TMEM151A: variants seen among roughly 807,000 people sequenced by gnomAD.
The protein encoded by TMEM151A is transmembrane protein 151A, also known as transmembrane protein 151.
TMEM151A carries 21 observed loss-of-function variants against 33.7 expected under a neutral mutation model. The ratio of observed to expected loss-of-function variants is 0.62; its 90% confidence interval spans 0.44 to 0.90. TMEM151A has a LOEUF of 0.90. Among genes scored for constraint, TMEM151A ranks in the 40% least tolerant of loss-of-function variants. TMEM151A has a pLI of 0.00. For synonymous variants in TMEM151A, 374 were observed against 330.3 expected (o/e 1.13, Z -1.43); for missense variants, 704 against 697.7 (o/e 1.01, Z -0.10).
chr11:66,294,264 G>T, intron 1 of TMEM151A, 58 bp from the exon 2 acceptor site: 1 of 1,583,384 alleles, frequency 6.3e-7, no homozygotes, highest in Non-Finnish European at 8.5e-7. Context: ...AAGCAAAGTG[G>T]CAGGCCCCAC....
In TMEM151A at chr11:66,294,407, C is replaced by T; in HGVS notation, c.161C>T (p.Ala54Val). The change falls in exon 2 of 2, where the codon GCC (alanine) becomes GTC (valine). Residue 54 changes from alanine to valine, a missense_variant. Physicochemically the swap from Ala to Val is moderately conservative, Grantham distance 64 (BLOSUM62 0). Coordinates refer to ENST00000327259, the MANE Select transcript of TMEM151A (RefSeq NM_153266.4). ...CTGCTCCTCACGCTGCTCATCCACG[C>T]CTGCGGGGCCGTGGTGGCCTGGTGT... ...KCLLLTLLIH[A>V]CGAVVAWCRL... 6.2e-7 allele frequency: 1 copy of T among 1,611,764 alleles called. No individual in the cohort carries two copies. The highest frequency in any genetic ancestry group is 8.5e-7 in the Non-Finnish European group (1 of 1,179,802).
Position 66,295,124 on chromosome 11 carries a change from C to T in TMEM151A, c.878C>T (p.Ala293Val). The change falls in exon 2 of 2, where the codon GCG (alanine) becomes GTG (valine). Residue 293 changes from alanine to valine, a missense_variant. Transcript: ENST00000327259. ...GCCTGGGTCTTCTGGCTCGTGTCGG[C>T]GGCCACGCTGTCGTGGCCCCTGCGC... ...ARAWVFWLVS[A>V]ATLSWPLRVV... is the part of the protein sequence containing the mutation. The T allele has an allele frequency of 1.9e-6, 3 of 1,584,038 alleles. No homozygotes were observed. The highest frequency in any genetic ancestry group is 2.3e-5 in the East Asian group (1 of 43,792).
Position 66,295,796 on chromosome 11 carries a change from T to A in TMEM151A, c.*143T>A. 1 of 717,566 alleles carries A rather than the reference T, an allele frequency of 1.4e-6. No homozygotes were observed. Among genetic ancestry groups the A allele is most frequent in the Non-Finnish European group, 2.0e-6 (1 of 503,078 alleles). The allele number at this position is 717,566 out of a possible 1,614,324, so 44.4% of individuals were successfully genotyped here. A position where few individuals can be genotyped will look rare whatever the true frequency, so the allele number is the denominator to read the frequency against. ...GGGTGAGGGTGGGGGTGGGGGTCCT[T>A]AAACAGACTAAAATGCAGTTACCTG... On this transcript the variant is annotated 3_prime_UTR_variant, in exon 2 of 2. Transcript: ENST00000327259.
At position 66,296,481 on chromosome 11, in the gene TMEM151A, T is replaced by C. The variant is rs1351842677; in HGVS notation, c.*828T>C. ...GGCCACAGCCTCTTGGATGATGTCC[T>C]TGCTCCACCACGCAGGCCCTTGCTT... On this transcript the variant is annotated 3_prime_UTR_variant, in exon 2 of 2. Coordinates refer to ENST00000327259, the MANE Select transcript of TMEM151A (RefSeq NM_153266.4). 3 of 152,744 alleles carry C rather than the reference T, an allele frequency of 2.0e-5. No individual in the cohort carries two copies. Among genetic ancestry groups the C allele is most frequent in the Non-Finnish European group, 4.4e-5 (3 of 68,156 alleles). The allele number at this position is 152,744 out of a possible 1,614,324, so 9.5% of individuals were successfully genotyped here. A position where few individuals can be genotyped will look rare whatever the true frequency, so the allele number is the denominator to read the frequency against.
At position 66,295,363 on chromosome 11, in the gene TMEM151A, T is replaced by C. The variant is rs1857506718; in HGVS notation, c.1117T>C (p.Tyr373His). 2 of 1,573,398 alleles carry C rather than the reference T, an allele frequency of 1.3e-6. No individual in the cohort carries two copies. ...AVVMGAGSGAYLRGCQRCRRS... is the reference protein window; with the variant it reads ...AVVMGAGSGAHLRGCQRCRRS... Reference sequence around the variant, plus strand: ...GGTCATGGGCGCGGGCTCGGGCGCCTACCTCAGAGGCTGCCAGCGCTGCCG... The same window carrying C: ...GGTCATGGGCGCGGGCTCGGGCGCCCACCTCAGAGGCTGCCAGCGCTGCCG... Residue 373 changes from tyrosine (Y) to histidine (H), a missense_variant, in exon 2 of 2, where the codon TAC (tyrosine) becomes CAC (histidine). Around this residue, in one of 3 missense-constraint regions of TMEM151A, gnomAD observed 398 missense variants for 356.0 expected, o/e 1.12. Transcript: ENST00000327259.
intron 1 of TMEM151A, among the ~76,000 whole-genome samples, chr11:66,293,048 C>G (rs1248313038): frequency 6.6e-6 from 1 of 152,012 alleles, no homozygotes; most frequent in East Asian, 1.9e-4. Flanking sequence ...TGCTACGGTT[C>G]TGGGAGTCTG....
rs763666894 is a variant in TMEM151A, at chr11:66,292,105, G to C, written c.75+17G>C. Reference sequence around the variant, plus strand: ...CGGGAAGAGGTACCGGCGCTGGGGGGGCCGGAGCCGGGCCTGGGGCGGCGT... The same window carrying C: ...CGGGAAGAGGTACCGGCGCTGGGGGCGCCGGAGCCGGGCCTGGGGCGGCGT... On this transcript the variant is annotated intron_variant, in intron 1 of 1. Transcript: ENST00000327259. This position sits in a 1 kb window ranked among gnomAD's most constrained non-coding sequence, Gnocchi z 4.7. 3.5e-6 allele frequency: 5 copies of C among 1,432,160 alleles called. No individual in the cohort carries two copies. The East Asian group carries it at 1.2e-4, about 33-fold the overall frequency. 88.7% of individuals were successfully genotyped at this position (1,432,160 alleles called of 1,614,324 possible).
chr11:66,295,642 G>A lies in TMEM151A; in HGVS notation c.1396G>A (p.Gly466Ser), dbSNP rs1272100358. 1 of 1,526,138 alleles carries A rather than the reference G, an allele frequency of 6.6e-7. No homozygotes were observed. The highest frequency in any genetic ancestry group is 2.1e-5 in the Admixed American group (1 of 48,348). 94.5% of individuals were successfully genotyped at this position (1,526,138 alleles called of 1,614,324 possible). A position where few individuals can be genotyped will look rare whatever the true frequency, so the allele number is the denominator to read the frequency against. The part of the protein sequence containing the change: ...GDSGCQGDGQ[G>S]AL ...CAGCGGCTGCCAGGGGGATGGGCAG[G>A]GTGCTCTCTGAGACCCCCCACGGCC... is the stretch of plus-strand genomic sequence containing the variant. Residue 466 changes from glycine (G) to serine (S), a missense_variant, in exon 2 of 2, where the codon GGT becomes AGT. Gly to Ser is a moderately conservative substitution (Grantham distance 56, BLOSUM62 0). This residue lies in a region of TMEM151A where 398 missense variants were observed against 356.0 expected (regional missense o/e 1.12). Coordinates refer to ENST00000327259, the MANE Select transcript of TMEM151A (RefSeq NM_153266.4).
chr11:66,293,374 G>A (rs1857476006), intron 1 of TMEM151A, among the ~76,000 whole-genome samples: 2 of 151,324 alleles, frequency 1.3e-5, no homozygotes, highest in South Asian at 2.1e-4. Flanking sequence ...CCTTCCCCTC[G>A]CCCCACTTTA....
chr11:66,292,061 C>A lies in TMEM151A; in HGVS notation c.48C>A (p.Ile16=). 1.3e-6 allele frequency: 2 copies of A among 1,489,752 alleles called. No individual in the cohort carries two copies. The highest frequency in any genetic ancestry group is 2.8e-5 in the East Asian group (1 of 35,880). 92.3% of individuals were successfully genotyped at this position (1,489,752 alleles called of 1,614,324 possible). The part of the protein sequence containing the change: ...AGDGGEVPAL[I]PDGEPLREEQ... ...ACGGCGGGGAGGTGCCCGCGCTCATCCCGGACGGCGAGCCGCTGCGGGAAG... is the reference window on the plus strand; with the variant it reads ...ACGGCGGGGAGGTGCCCGCGCTCATACCGGACGGCGAGCCGCTGCGGGAAG... The change falls in exon 1 of 2, where the codon ATC becomes ATA. Residue 16 remains isoleucine, a synonymous_variant. Coordinates refer to ENST00000327259, the MANE Select transcript of TMEM151A (RefSeq NM_153266.4). The surrounding 1 kb of genome is among the most constrained non-coding windows in gnomAD (Gnocchi z 4.7).
intron 1 of TMEM151A, among the ~76,000 whole-genome samples, chr11:66,293,264 C>T (rs956950664): frequency 2.0e-5 from 3 of 152,116 alleles, no homozygotes; most frequent in African/African-American, 7.2e-5. Context: ...GGGGTGGTTC[C>T]TCTCCTCTTG....
At position 66,295,641 on chromosome 11, in the gene TMEM151A, G is replaced by C. The variant is rs1239241850; in HGVS notation, c.1395G>C (p.Gln465His). 6.5e-7 allele frequency: 1 copy of C among 1,530,946 alleles called. No homozygotes were observed. The highest frequency in any genetic ancestry group is 8.7e-7 in the Non-Finnish European group (1 of 1,142,984). 94.8% of individuals were successfully genotyped at this position (1,530,946 alleles called of 1,614,324 possible). Reference sequence around the variant, plus strand: ...ACAGCGGCTGCCAGGGGGATGGGCAGGGTGCTCTCTGAGACCCCCCACGGC... The same window carrying C: ...ACAGCGGCTGCCAGGGGGATGGGCACGGTGCTCTCTGAGACCCCCCACGGC... ...HGDSGCQGDG[Q>H]GAL The change falls in exon 2 of 2, where the codon CAG becomes CAC. Residue 465 changes from glutamine (Q) to histidine (H), a missense_variant. Transcript: ENST00000327259.
chr11:66,295,294 A>G lies in TMEM151A; in HGVS notation c.1048A>G (p.Ile350Val), dbSNP rs1388057870. ...GGACTTCACTGAGCTCGAGTGGCAC[A>G]TCTGCTCCAACCGGCAGCTGGTGCC... ...TVDFTELEWH[I>V]CSNRQLVPSY... The change falls in exon 2 of 2, where the codon ATC (isoleucine) becomes GTC (valine). Residue 350 changes from isoleucine to valine, a missense_variant. Transcript: ENST00000327259. 2 of 1,581,716 alleles carry G rather than the reference A, an allele frequency of 1.3e-6. No homozygotes were observed. Among genetic ancestry groups the G allele is most frequent in the Non-Finnish European group, 1.7e-6 (2 of 1,164,384 alleles).
chr11:66,295,484 G>C lies in TMEM151A; in HGVS notation c.1238G>C (p.Arg413Pro), dbSNP rs1857508905. ...RSRLSLGAGG[R>P]ATPGVFRSLS... ...CGCCTCTCGCTGGGCGCTGGCGGCCGGGCCACGCCAGGGGTCTTCCGCAGC... is the reference window on the plus strand; with the variant it reads ...CGCCTCTCGCTGGGCGCTGGCGGCCCGGCCACGCCAGGGGTCTTCCGCAGC... The change falls in exon 2 of 2, where the codon CGG becomes CCG. Residue 413 changes from arginine to proline, a missense_variant. Physicochemically the swap from Arg to Pro is moderately radical, Grantham distance 103. Coordinates refer to ENST00000327259, the MANE Select transcript of TMEM151A (RefSeq NM_153266.4). 3 of 1,397,584 alleles carry C rather than the reference G, an allele frequency of 2.1e-6. No individual in the cohort carries two copies. The highest frequency in any genetic ancestry group is 3.1e-5 in the African/African-American group (2 of 65,490). 86.6% of individuals were successfully genotyped at this position (1,397,584 alleles called of 1,614,324 possible).
At position 66,295,329 on chromosome 11, in the gene TMEM151A, G is replaced by A. The variant is rs763051124; in HGVS notation, c.1083G>A (p.Ser361=). ...CSNRQLVPSY[S]EAVVMGAGSG... is the part of the protein sequence containing the mutation. ...ACCGGCAGCTGGTGCCCAGCTACTC[G>A]GAGGCCGTGGTCATGGGCGCGGGCT... Residue 361 remains serine (S), a synonymous_variant, in exon 2 of 2, where the codon TCG becomes TCA. Coordinates refer to ENST00000327259, the MANE Select transcript of TMEM151A (RefSeq NM_153266.4). 2.5e-6 allele frequency: 4 copies of A among 1,588,486 alleles called. No homozygotes were observed. The Admixed American group carries it at 7.0e-5, about 28-fold the overall frequency.
Position 66,292,031 on chromosome 11 carries a change from T to C in TMEM151A, c.18T>C (p.Ala6=), listed in dbSNP as rs1262517025. The C allele has an allele frequency of 1.3e-6, 2 of 1,501,668 alleles. No homozygotes were observed. Among genetic ancestry groups the C allele is most frequent in the Admixed American group, 2.1e-5 (1 of 47,936 alleles). The allele number at this position is 1,501,668 out of a possible 1,614,324, so 93.0% of individuals were successfully genotyped here. Reference sequence around the variant, plus strand: ...AGGACACCATGCCCGAGGACGGCGCTGGCGACGGCGGGGAGGTGCCCGCGC... The same window carrying C: ...AGGACACCATGCCCGAGGACGGCGCCGGCGACGGCGGGGAGGTGCCCGCGC... MPEDG[A]GDGGEVPALI... The change falls in exon 1 of 2, where the codon GCT becomes GCC. Residue 6 remains alanine, a synonymous_variant. Transcript: ENST00000327259. This position sits in a 1 kb window ranked among gnomAD's most constrained non-coding sequence, Gnocchi z 4.7.
At chr11:66,294,178 AGC>A (rs1857484263) in intron 1 of TMEM151A, 142 bp from the exon 2 acceptor site, 1 of 1,276,144 alleles carries the variant, frequency 7.8e-7, no homozygotes, top group Non-Finnish European at 1.1e-6. Flanking sequence ...GCCTGGAGCA[AGC>A]TGCTCATCCC....
Position 66,295,987 on chromosome 11 carries a change from C to T in TMEM151A, c.*334C>T. 4.3e-6 allele frequency: 1 copy of T among 234,512 alleles called. No homozygotes were observed. 14.5% of individuals were successfully genotyped at this position (234,512 alleles called of 1,614,324 possible). A position where few individuals can be genotyped will look rare whatever the true frequency, so the allele number is the denominator to read the frequency against. On this transcript the variant is annotated 3_prime_UTR_variant, in exon 2 of 2. Coordinates refer to ENST00000327259, the MANE Select transcript of TMEM151A (RefSeq NM_153266.4). ...TCCTGCGGCCAGCTGTTGCCTGCAG[C>T]AGAGGCTGCCTGTGGACACTTCCCT...
rs1857492228 is a variant in TMEM151A, at chr11:66,294,702, G to T, written c.456G>T (p.Lys152Asn). 6.3e-7 allele frequency: 1 copy of T among 1,578,462 alleles called. No individual in the cohort carries two copies. The highest frequency in any genetic ancestry group is 1.3e-5 in the African/African-American group (1 of 74,230). The change falls in exon 2 of 2, where the codon AAG (lysine) becomes AAT (asparagine). Residue 152 changes from lysine (K) to asparagine (N), a missense_variant. By Grantham distance (94) the Lys-to-Asn change is moderately conservative (BLOSUM62 0). This residue lies in a region of TMEM151A where 301 missense variants were observed against 323.4 expected (regional missense o/e 0.93). Coordinates refer to ENST00000327259, the MANE Select transcript of TMEM151A (RefSeq NM_153266.4). Reference sequence around the variant, plus strand: ...AGGCGCCGCCGTGCGTCTGGTGGAAGGCCACCAGCTATCACTACGTGCGGC... The same window carrying T: ...AGGCGCCGCCGTGCGTCTGGTGGAATGCCACCAGCTATCACTACGTGCGGC... ...LQQAPPCVWW[K>N]ATSYHYVRRT...
Sources: allele counts gnomAD v4.1 joint callset (sites outside exome capture counted in the v4.1 genomes callset), GRCh38; gene constraint gnomAD v4.1.1; regional missense constraint gnomAD v4.1.1; non-coding constraint Gnocchi (gnomAD v3.1); transcripts MANE v1.5; gene names NCBI Gene and HGNC (gene_info 2026-07-23, HGNC 2026-07-21).